Variants in VPS54 observed in about 807,000 individuals in gnomAD.
VPS54 encodes VPS54 subunit of GARP complex.
Under a neutral mutation model 121.5 loss-of-function variants are expected in VPS54, and 45 were observed. The ratio of observed to expected loss-of-function variants is 0.37; its 90% CI spans 0.29 to 0.47. The LOEUF is 0.47. Ranked by LOEUF, VPS54 falls within the 20% of genes least tolerant of loss-of-function variation. VPS54 has a pLI of 0.99. For synonymous variants in VPS54, 371 were observed against 385.8 expected (o/e 0.96, Z 0.45); for missense variants, 1,090 against 1,131.4 (o/e 0.96, Z 0.52).
chr2:63,900,823 T>G lies in VPS54; in HGVS notation c.2626-1242A>C, dbSNP rs929149339. ...CTGATGACAAGCTGGAGTGCAGTGG[T>G]GCAATCTCAGCTCATTGCAACCTCT... On this transcript the variant is annotated intron_variant, in intron 20 of 22. Coordinates refer to ENST00000272322, the MANE Select transcript of VPS54 (RefSeq NM_016516.3). Among the ~76,000 whole-genome samples, 4 of 152,166 alleles carry G rather than the reference T, an allele frequency of 2.6e-5. No individual in the cohort carries two copies. The South Asian group carries it at 8.3e-4, about 32-fold the overall frequency.
At chr2:64,000,623 C>T (rs1677828279) in intron 1 of VPS54, among the ~76,000 whole-genome samples, 1 of 152,230 alleles carries the variant, frequency 6.6e-6, no homozygotes, top group African/African-American at 2.4e-5. Context: ...TGCTGTGGTT[C>T]TTGCAGACTT....
intron 8 of VPS54, among the ~76,000 whole-genome samples, chr2:63,948,106 T>C (rs372758230): frequency 5.9e-5 from 9 of 152,054 alleles, no homozygotes; most frequent in African/African-American, 1.9e-4. Flanking sequence ...GCTTGGATTA[T>C]AGGCCTGACC....
intron 1 of VPS54, among the ~76,000 whole-genome samples, chr2:63,996,220 G>T (rs562747186): frequency 6.6e-6 from 1 of 152,304 alleles, no homozygotes; most frequent in South Asian, 2.1e-4. Flanking sequence ...TGGACAATTT[G>T]TTAGTGCTCC....
At chr2:63,895,969 A>G (rs1236903740) in intron 22 of VPS54, among the ~76,000 whole-genome samples, 1 of 152,246 alleles carries the variant, frequency 6.6e-6, no homozygotes, top group African/African-American at 2.4e-5. Flanking sequence ...AAAGGGTATG[A>G]GCAGGGTTAG....
chr2:64,006,882 G>C (rs927694785), intron 1 of VPS54, among the ~76,000 whole-genome samples: 2 of 152,138 alleles, frequency 1.3e-5, no homozygotes, highest in Non-Finnish European at 2.9e-5. Flanking sequence ...GCCTCCCAAA[G>C]TGCTGGGATT....
chr2:64,005,089 C>CTT (rs764515091), intron 1 of VPS54, among the ~76,000 whole-genome samples: 1,575 of 44,060 alleles, frequency 0.036, 365 homozygotes, highest in East Asian at 0.11. Flanking sequence ...ACTATTGCTT[C>CTT]TTTTTTTTTT....
intron 11 of VPS54, among the ~76,000 whole-genome samples, chr2:63,939,548 A>G (rs1194847602): frequency 6.6e-6 from 1 of 152,192 alleles, no homozygotes; most frequent in Non-Finnish European, 1.5e-5. Context: ...TTAAAAAACA[A>G]AACAACTTTT....
chr2:63,920,062 A>T (rs543344304), intron 14 of VPS54, 67 bp from the exon 15 acceptor site: 4 of 1,348,666 alleles, frequency 3.0e-6, no homozygotes. Context: ...TTGGTTTAAA[A>T]GAAAAGGAAG....
At chr2:63,955,257 A>G (rs1675439510) in intron 7 of VPS54, among the ~76,000 whole-genome samples, 1 of 151,836 alleles carries the variant, frequency 6.6e-6, no homozygotes, top group Non-Finnish European at 1.5e-5. Flanking sequence ...TGTATGTTTG[A>G]GTATAAGTTT....
At chr2:63,990,741 C>T (rs2104641807) in intron 1 of VPS54, among the ~76,000 whole-genome samples, 1 of 152,294 alleles carries the variant, frequency 6.6e-6, no homozygotes, top group East Asian at 1.9e-4. Flanking sequence ...AACAAAGAAA[C>T]AAGTGGATTA....
intron 1 of VPS54, among the ~76,000 whole-genome samples, chr2:63,992,133 C>T (rs1489115684): frequency 6.6e-6 from 1 of 152,134 alleles, no homozygotes; most frequent in East Asian, 1.9e-4. Context: ...TGTTTCCATT[C>T]CGGCCGGTGA....
chr2:63,931,771 A>C (rs1446562096), intron 12 of VPS54, among the ~76,000 whole-genome samples: 1 of 152,266 alleles, frequency 6.6e-6, no homozygotes, highest in East Asian at 1.9e-4. Context: ...CAAAGGGCTA[A>C]TATCCAGAAT....
intron 12 of VPS54, among the ~76,000 whole-genome samples, chr2:63,932,415 C>T (rs950128474): frequency 6.6e-6 from 1 of 152,080 alleles, no homozygotes; most frequent in African/African-American, 2.4e-5. Context: ...GATCAGAAAA[C>T]CAAACACTGC....
At chr2:63,946,000 A>G (rs1674961037) in intron 9 of VPS54, among the ~76,000 whole-genome samples, 1 of 152,136 alleles carries the variant, frequency 6.6e-6, no homozygotes, top group African/African-American at 2.4e-5. Context: ...TCAGCTCATG[A>G]AACAACCTTG....
chr2:63,965,027 C>A (rs1260173203), intron 6 of VPS54, among the ~76,000 whole-genome samples: 1 of 152,064 alleles, frequency 6.6e-6, no homozygotes, highest in Non-Finnish European at 1.5e-5. Context: ...TGACTAGTAA[C>A]ATGTAAAAGA....
chr2:63,937,753 A>C (rs1575931564), intron 11 of VPS54, among the ~76,000 whole-genome samples: 1 of 152,198 alleles, frequency 6.6e-6, no homozygotes, highest in Non-Finnish European at 1.5e-5. Context: ...ACAAATGTCC[A>C]TTGATGAATG....
chr2:63,930,348 G>A (rs1465355374), intron 12 of VPS54, among the ~76,000 whole-genome samples: 2 of 151,848 alleles, frequency 1.3e-5, no homozygotes, highest in Admixed American at 6.6e-5. Context: ...GGGATGCAAG[G>A]CTGGTTTGAC....
intron 1 of VPS54, among the ~76,000 whole-genome samples, chr2:64,007,045 T>C (rs1678190285): frequency 6.6e-6 from 1 of 152,246 alleles, no homozygotes; most frequent in South Asian, 2.1e-4. Flanking sequence ...TGCTTGAGCA[T>C]TCCTAATCCT....
chr2:63,989,613 G>A (rs1477277356), intron 1 of VPS54, among the ~76,000 whole-genome samples: 1 of 152,172 alleles, frequency 6.6e-6, no homozygotes, highest in Non-Finnish European at 1.5e-5. Context: ...CCTTTGGTAG[G>A]TGCGGAGAAA....
Sources: gnomAD v4.1 joint callset for allele counts (sites outside exome capture counted in the v4.1 genomes callset) on GRCh38, gnomAD v4.1.1 for gene constraint, MANE v1.5 for transcripts, NCBI Gene and HGNC (gene_info 2026-07-23, HGNC 2026-07-21) for gene names.